Variants in ZNF521 observed in about 807,000 individuals in gnomAD.
ZNF521 encodes the protein LYST-interacting protein 3.
In ZNF521, 14 loss-of-function variants were observed where a neutral mutation model predicts 105.5. That is an observed-to-expected ratio of 0.13 (90% CI 0.09 to 0.21). The LOEUF (loss-of-function observed/expected upper bound fraction) is 0.21, where lower values mean the gene tolerates loss of function less well. ZNF521 is among the 10% of genes least tolerant of loss of function. The pLI, the probability that ZNF521 is intolerant of heterozygous loss-of-function variation, is 1.00. For missense variants in ZNF521, 1,233 were observed against 1,629.7 expected (o/e 0.76, Z 4.19); for synonymous variants, 635 against 606.0 (o/e 1.05, Z -0.70).
chr18:25,150,977 C>A (rs573575690), intron 5 of ZNF521, among the ~76,000 whole-genome samples: 1 of 151,220 alleles, frequency 6.6e-6, no homozygotes, highest in Non-Finnish European at 1.5e-5. Flanking sequence ...TAGCCTTGAC[C>A]TCCTTGGCTC....
At chr18:25,312,701 C>A (rs1912383513) in intron 3 of ZNF521, among the ~76,000 whole-genome samples, 1 of 102,966 alleles carries the variant, frequency 9.7e-6, no homozygotes, top group East Asian at 2.5e-4. Flanking sequence ...GTCCCAGCTA[C>A]TCGGGAGGCT....
chr18:25,117,082 CAT>C (rs1491026386), intron 5 of ZNF521, among the ~76,000 whole-genome samples: 6,690 of 80,754 alleles, frequency 0.083, 272 homozygotes, highest in African/African-American at 0.22. Context: ...CACACACACA[CAT>C]ACACACATCC....
intron 5 of ZNF521, among the ~76,000 whole-genome samples, chr18:25,142,965 A>T (rs1421073046): frequency 6.6e-6 from 1 of 152,164 alleles, no homozygotes; most frequent in African/African-American, 2.4e-5. Context: ...TATTAATCTG[A>T]CTATAAACAA....
chr18:25,351,465 C>CG (rs1307265209), intron 1 of ZNF521: 14 of 150,694 alleles, frequency 9.3e-5, no homozygotes, highest in Admixed American at 4.6e-4. Flanking sequence ...CGCCCCCCCC[C>CG]CCACCGGAAA....
In ZNF521 at chr18:25,195,174, G is replaced by A; in HGVS notation, c.3644C>T (p.Ala1215Val). The A allele has an allele frequency of 6.3e-7, 1 of 1,598,616 alleles. No individual in the cohort carries two copies. The highest frequency in any genetic ancestry group is 8.5e-7 in the Non-Finnish European group (1 of 1,173,174). ...YNEWDIQVHV[A>V]NHMIDEGLNH... ...GTGTCACTCACCAATCATGTGATTT[G>A]CAACATGAACCTGAATATCCCATTC... is the stretch of plus-strand genomic sequence containing the variant. The change falls in exon 5 of 8, where the codon GCA becomes GTA. Residue 1215 changes from alanine to valine, a missense_variant. By Grantham distance (64) the Ala-to-Val change is moderately conservative. Transcript: ENST00000361524.
At chr18:25,220,982 T>C (rs1905685350) in intron 4 of ZNF521, among the ~76,000 whole-genome samples, 2 of 152,368 alleles carry the variant, frequency 1.3e-5, no homozygotes, top group South Asian at 4.1e-4. Context: ...GTGTTCTTCC[T>C]GTCCCCAGTT....
intron 3 of ZNF521, among the ~76,000 whole-genome samples, chr18:25,237,701 A>G (rs1278941692): frequency 2.0e-5 from 3 of 152,236 alleles, no homozygotes; most frequent in Non-Finnish European, 2.9e-5. Flanking sequence ...CACTGACTCA[A>G]TACTGTCTGT....
intron 3 of ZNF521, among the ~76,000 whole-genome samples, chr18:25,292,196 G>A (rs1239268164): frequency 6.6e-6 from 1 of 152,158 alleles, no homozygotes; most frequent in Non-Finnish European, 1.5e-5. Flanking sequence ...TCACCTGCCA[G>A]TTTCCCACTT....
intron 5 of ZNF521, among the ~76,000 whole-genome samples, chr18:25,110,684 TA>T (rs200568619): frequency 1.9e-3 from 264 of 142,354 alleles, no homozygotes; most frequent in South Asian, 8.5e-3. Flanking sequence ...AGCCCAAAAG[TA>T]AAAAAAAAAA....
At chr18:25,110,559 T>C (rs931749691) in intron 5 of ZNF521, among the ~76,000 whole-genome samples, 1 of 152,084 alleles carries the variant, frequency 6.6e-6, no homozygotes, top group Non-Finnish European at 1.5e-5. Flanking sequence ...AAGCACATGG[T>C]TGATTCTTCT....
At chr18:25,159,310 T>G (rs2035206294) in intron 5 of ZNF521, among the ~76,000 whole-genome samples, 1 of 152,204 alleles carries the variant, frequency 6.6e-6, no homozygotes, top group African/African-American at 2.4e-5. Context: ...CACAGTACAT[T>G]TATTTGCTAT....
chr18:25,226,039 G>T lies in ZNF521; in HGVS notation c.1879C>A (p.Pro627Thr). 1.9e-6 allele frequency: 3 copies of T among 1,614,182 alleles called. No individual in the cohort carries two copies. Among genetic ancestry groups the T allele is most frequent in the Non-Finnish European group, 1.7e-6 (2 of 1,180,014 alleles). ...ATATATTCTCCAGTGGGACGTGCAGGTGCACCTCCTACTGCCTGCATCATC... is the reference window on the plus strand; with the variant it reads ...ATATATTCTCCAGTGGGACGTGCAGTTGCACCTCCTACTGCCTGCATCATC... Reference protein sequence around the residue: ...LKMMQAVGGAPARPTGEYICN... With the variant: ...LKMMQAVGGATARPTGEYICN... The change falls in exon 4 of 8, where the codon CCT becomes ACT. Residue 627 changes from proline (P) to threonine (T), a missense_variant. This residue lies in a region of ZNF521 where 614 missense variants were observed against 751.5 expected (regional missense o/e 0.82). Coordinates refer to ENST00000361524, the MANE Select transcript of ZNF521 (RefSeq NM_015461.3). This position sits in a 1 kb window ranked among gnomAD's most constrained non-coding sequence, Gnocchi z 4.1.
At chr18:25,307,330 T>C (rs964655851) in intron 3 of ZNF521, among the ~76,000 whole-genome samples, 1 of 152,200 alleles carries the variant, frequency 6.6e-6, no homozygotes, top group Non-Finnish European at 1.5e-5. Context: ...ACAGTAATTA[T>C]TGAACATTCT....
intron 5 of ZNF521, among the ~76,000 whole-genome samples, chr18:25,095,844 A>C (rs892735634): frequency 6.6e-6 from 1 of 152,216 alleles, no homozygotes; most frequent in Non-Finnish European, 1.5e-5. Flanking sequence ...CTATATGAGC[A>C]AACATGGAGC....
At chr18:25,201,314 T>C (rs2035989154) in intron 4 of ZNF521, 1 of 152,208 alleles carries the variant, frequency 6.6e-6, no homozygotes, top group Admixed American at 6.5e-5. Flanking sequence ...AGAATTACTT[T>C]TTCCCAGTCT....
intron 7 of ZNF521, among the ~76,000 whole-genome samples, chr18:25,079,923 C>G (rs1277806204): frequency 6.6e-6 from 1 of 152,190 alleles, no homozygotes; most frequent in Non-Finnish European, 1.5e-5. Context: ...GTCTAGAAGG[C>G]ACACAAGCTT....
intron 7 of ZNF521, among the ~76,000 whole-genome samples, chr18:25,087,608 T>C (rs1176432351): frequency 2.0e-5 from 3 of 152,248 alleles, no homozygotes; most frequent in Non-Finnish European, 4.4e-5. Flanking sequence ...GTTTTGGCCA[T>C]ATCCTTTATA....
chr18:25,072,135 C>A (rs566589587), intron 7 of ZNF521, among the ~76,000 whole-genome samples: 68 of 152,296 alleles, frequency 4.5e-4, no homozygotes, highest in African/African-American at 1.5e-3. Context: ...ATCAAACGAG[C>A]TGGAAAAGCC....
intron 3 of ZNF521, among the ~76,000 whole-genome samples, chr18:25,294,358 T>C (rs545756992): frequency 6.6e-6 from 1 of 152,202 alleles, no homozygotes; most frequent in Non-Finnish European, 1.5e-5. Flanking sequence ...GGGAAAATAA[T>C]TATGCTACAA....
Sources: allele counts gnomAD v4.1 joint callset (sites outside exome capture counted in the v4.1 genomes callset), GRCh38; gene constraint gnomAD v4.1.1; regional missense constraint gnomAD v4.1.1; non-coding constraint Gnocchi (gnomAD v3.1); transcripts MANE v1.5; gene names NCBI Gene and HGNC (gene_info 2026-07-23, HGNC 2026-07-21).